The following DENND4A variants were observed in gnomAD, a reference collection of about 807,000 sequenced individuals.
DENND4A encodes C-myc promoter-binding protein.
A neutral mutation model predicts 199.3 loss-of-function variants in DENND4A; 70 were observed. The observed-to-expected ratio is 0.35, with a 90% CI of 0.29 to 0.43. The LOEUF (loss-of-function observed/expected upper bound fraction) is 0.43. DENND4A is among the 20% of genes least tolerant of loss of function. The pLI, the probability that DENND4A is intolerant of heterozygous loss-of-function variation, is 1.00. For missense variants in DENND4A, 1,723 were observed against 2,255.8 expected (o/e 0.76, Z 4.78); for synonymous variants, 686 against 766.9 (o/e 0.89, Z 1.74).
intron 1 of DENND4A, chr15:65,766,484 T>A (rs2076990224): frequency 6.6e-6 from 1 of 152,136 alleles, no homozygotes; most frequent in South Asian, 2.1e-4. Flanking sequence ...CAGCCCTCAG[T>A]ATGGGCAATT....
chr15:65,709,952 C>T (rs2075197086), intron 14 of DENND4A, among the ~76,000 whole-genome samples: 1 of 151,500 alleles, frequency 6.6e-6, no homozygotes, highest in Admixed American at 6.6e-5. Flanking sequence ...AATAGTCTAC[C>T]TAGAAACAAT....
chr15:65,685,644 T>G (rs976530694), intron 23 of DENND4A, among the ~76,000 whole-genome samples: 21 of 152,248 alleles, frequency 1.4e-4, no homozygotes, highest in African/African-American at 4.8e-4. Flanking sequence ...AAATAGTTCT[T>G]ATACTGTATT....
intron 7 of DENND4A, 52 bp downstream of exon 7, chr15:65,737,655 G>C: frequency 6.7e-7 from 1 of 1,501,556 alleles, no homozygotes; most frequent in Non-Finnish European, 8.9e-7. Flanking sequence ...ACACAAATTT[G>C]CCACATAATG....
chr15:65,781,509 T>C (rs577940622), intron 1 of DENND4A, among the ~76,000 whole-genome samples: 2 of 151,994 alleles, frequency 1.3e-5, no homozygotes, highest in Non-Finnish European at 2.9e-5. Context: ...ATTTAGGAGA[T>C]AAATCCAGCA....
chr15:65,736,254 TTTTTTTA>T (rs2076112795), intron 7 of DENND4A, among the ~76,000 whole-genome samples: 1 of 152,022 alleles, frequency 6.6e-6, no homozygotes, highest in African/African-American at 2.4e-5. Flanking sequence ...GAACAATAGA[TTTTTTTA>T]TTTTTTATTT....
chr15:65,676,124 G>A (rs1241207494), intron 24 of DENND4A, among the ~76,000 whole-genome samples: 3 of 114,614 alleles, frequency 2.6e-5, no homozygotes, highest in Non-Finnish European at 5.5e-5. Flanking sequence ...TAAGAAGACA[G>A]GGAAGTAATA....
chr15:65,685,874 T>C (rs1400911327), intron 23 of DENND4A, among the ~76,000 whole-genome samples: 1 of 152,172 alleles, frequency 6.6e-6, no homozygotes, highest in Non-Finnish European at 1.5e-5. Context: ...CTAAATTTTA[T>C]TCTCTCATCT....
chr15:65,669,216 T>C (rs895526198), intron 27 of DENND4A, among the ~76,000 whole-genome samples: 3 of 152,230 alleles, frequency 2.0e-5, no homozygotes, highest in African/African-American at 7.2e-5. Flanking sequence ...TTTTGGCACA[T>C]GCAGCTACCA....
chr15:65,667,157 C>T (rs950916211), intron 29 of DENND4A, among the ~76,000 whole-genome samples: 1 of 151,928 alleles, frequency 6.6e-6, no homozygotes, highest in Admixed American at 6.6e-5. Flanking sequence ...TGGTGAAACC[C>T]CGTCTCTACT....
intron 29 of DENND4A, among the ~76,000 whole-genome samples, chr15:65,667,217 C>A (rs192980860): frequency 6.6e-6 from 1 of 152,328 alleles, no homozygotes; most frequent in Admixed American, 6.5e-5. Flanking sequence ...GCAATCCCAG[C>A]TACTTGGGAG....
At chr15:65,748,645 A>G (rs895321460) in intron 4 of DENND4A, among the ~76,000 whole-genome samples, 2 of 151,632 alleles carry the variant, frequency 1.3e-5, no homozygotes, top group African/African-American at 4.8e-5. Flanking sequence ...ACAAACAAAA[A>G]AAACAAAGAA....
Position 65,661,538 on chromosome 15 carries a change from A to G in DENND4A, c.*313T>C, listed in dbSNP as rs898808948. ...GATTTTTCAATCTGTCTCTTCCAAA[A>G]GAAACCATAAAGCAGTTGTCATATT... is the stretch of plus-strand genomic sequence containing the variant. On this transcript the variant is annotated 3_prime_UTR_variant, in exon 33 of 33. Coordinates refer to ENST00000443035, the MANE Select transcript of DENND4A (RefSeq NM_001320835.1). The G allele has an allele frequency of 1.0e-5, 2 of 193,462 alleles. No homozygotes were observed. Among genetic ancestry groups the G allele is most frequent in the Non-Finnish European group, 2.1e-5 (2 of 95,062 alleles). 12.0% of individuals were successfully genotyped at this position (193,462 alleles called of 1,614,324 possible).
At chr15:65,772,975 G>A (rs1047984663) in intron 1 of DENND4A, among the ~76,000 whole-genome samples, 2 of 133,556 alleles carry the variant, frequency 1.5e-5, no homozygotes, top group Non-Finnish European at 3.1e-5. Context: ...TGAGAACCAT[G>A]GGAAATCAAT....
rs559030942 is a variant in DENND4A, at chr15:65,693,106, A to G, written c.3083-1595T>C. On this transcript the variant is annotated intron_variant, in intron 22 of 32. Transcript: ENST00000443035. ...TTTGCCTGATCCTAAGTTTACACAC[A>G]TGCTAAATTACACATGCTAGGCTGG... 2.0e-5 allele frequency among the ~76,000 whole-genome samples: 3 copies of G among 152,338 alleles called. No homozygotes were observed. In the East Asian group the frequency reaches 5.8e-4, roughly 29 times the overall value.
intron 1 of DENND4A, among the ~76,000 whole-genome samples, chr15:65,776,743 A>G (rs746048088): frequency 2.6e-5 from 4 of 152,236 alleles, no homozygotes; most frequent in Non-Finnish European, 5.9e-5. Flanking sequence ...CAGAACCATG[A>G]GCGAATATAT....
Position 65,725,469 on chromosome 15 carries a change from G to A in DENND4A, c.1488-2521C>T, listed in dbSNP as rs550803503. Among the ~76,000 whole-genome samples, 3 of 152,226 alleles carry A rather than the reference G, an allele frequency of 2.0e-5. No individual in the cohort carries two copies. The East Asian group carries it at 5.8e-4, about 29-fold the overall frequency. ...AGGCGGGCAGATCATGAGGTCAGGA[G>A]ATGGAGACCATCCTGGCTAATGCGG... On this transcript the variant is annotated intron_variant, in intron 11 of 32. Coordinates refer to ENST00000443035, the MANE Select transcript of DENND4A (RefSeq NM_001320835.1).
intron 11 of DENND4A, chr15:65,728,814 C>A: frequency 6.9e-6 from 3 of 437,040 alleles, no homozygotes; most frequent in South Asian, 4.3e-5. Flanking sequence ...TCTAAGCAAG[C>A]CTAACATTAA....
intron 7 of DENND4A, 90 bp from the exon 8 acceptor site, chr15:65,732,908 A>T: frequency 1.4e-6 from 1 of 738,422 alleles, no homozygotes. Context: ...AGTTGAGTCA[A>T]AGCCCTGTGT....
intron 22 of DENND4A, among the ~76,000 whole-genome samples, chr15:65,693,951 G>A (rs1396546848): frequency 6.6e-6 from 1 of 151,622 alleles, no homozygotes; most frequent in Non-Finnish European, 1.5e-5. Context: ...CTGTCTATTA[G>A]GCAGTAACTG....
Sources: allele counts gnomAD v4.1 joint callset (sites outside exome capture counted in the v4.1 genomes callset), GRCh38; gene constraint gnomAD v4.1.1; transcripts MANE v1.5; gene names NCBI Gene and HGNC (gene_info 2026-07-23, HGNC 2026-07-21).